Variants in SLC24A2 observed in about 807,000 individuals in gnomAD.
SLC24A2 encodes the protein sodium/potassium/calcium exchanger 2.
A neutral mutation model predicts 62.0 loss-of-function variants in SLC24A2; 36 were observed. The observed-to-expected ratio is 0.58, with a 90% confidence interval of 0.44 to 0.77. SLC24A2 has a LOEUF of 0.77. SLC24A2 is among the 30% of genes least tolerant of loss of function. SLC24A2 has a pLI of 0.00. For synonymous variants in SLC24A2, 358 were observed against 294.0 expected, an observed-to-expected ratio of 1.22 and a Z score of -2.23; for missense variants, 846 against 817.9, an observed-to-expected ratio of 1.03 and a Z score of -0.42.
intron 2 of SLC24A2, among the ~76,000 whole-genome samples, chr9:19,714,836 T>C (rs558823471): frequency 2.6e-4 from 40 of 152,262 alleles, no homozygotes; most frequent in Non-Finnish European, 4.3e-4. Context: ...CTATAGTCTT[T>C]ATGTCGTACA....
the SLC24A2 span, among the ~76,000 whole-genome samples, chr9:20,091,669 C>T: frequency 0.23 from 34,361 of 152,054 alleles, 4,982 homozygotes; most frequent in East Asian, 0.66. Context: ...TTGAGGGAGT[C>T]TGTTACCACC....
At chr9:19,676,941 T>C (rs1235692654) in intron 2 of SLC24A2, among the ~76,000 whole-genome samples, 1 of 152,188 alleles carries the variant, frequency 6.6e-6, no homozygotes, top group Non-Finnish European at 1.5e-5. Context: ...CAGACACTAG[T>C]GAGGTTATGG....
intron 2 of SLC24A2, among the ~76,000 whole-genome samples, chr9:19,752,278 G>A (rs1822007259): frequency 6.6e-6 from 1 of 152,038 alleles, no homozygotes; most frequent in Non-Finnish European, 1.5e-5. Flanking sequence ...CTAGGAAAGG[G>A]TGAGTTACTG....
chr9:20,124,094 T>C, the SLC24A2 span, among the ~76,000 whole-genome samples: 16,912 of 152,204 alleles, frequency 0.11, 1,000 homozygotes, highest in Middle Eastern at 0.17. Flanking sequence ...TTTCTATTCA[T>C]CCTTGATACA....
chr9:19,879,414 C>A, the SLC24A2 span, among the ~76,000 whole-genome samples: 1 of 152,126 alleles, frequency 6.6e-6, no homozygotes, highest in African/African-American at 2.4e-5. Context: ...TTAGGAAAAC[C>A]TATATAGAGC....
the SLC24A2 span, among the ~76,000 whole-genome samples, chr9:19,909,428 A>G: frequency 2.6e-5 from 4 of 152,096 alleles, no homozygotes; most frequent in Non-Finnish European, 5.9e-5. Flanking sequence ...ACATGTATAC[A>G]TATGTAACAA....
intron 2 of SLC24A2, among the ~76,000 whole-genome samples, chr9:19,742,645 GTCT>G (rs1821714350): frequency 6.6e-6 from 1 of 152,110 alleles, no homozygotes; most frequent in African/African-American, 2.4e-5. Context: ...TTAGACCCTG[GTCT>G]TCTGATTCAG....
chr9:19,571,881 C>T (rs73648719), intron 7 of SLC24A2, among the ~76,000 whole-genome samples: 6,204 of 151,954 alleles, frequency 0.041, 411 homozygotes, highest in African/African-American at 0.14. Context: ...TACAGTTGGA[C>T]GGTCCTGAGA....
chr9:19,519,430 A>G (rs1294611229), intron 10 of SLC24A2, among the ~76,000 whole-genome samples: 1 of 152,094 alleles, frequency 6.6e-6, no homozygotes, highest in Admixed American at 6.6e-5. Flanking sequence ...TCTTCATAAT[A>G]TACTATAGAG....
chr9:20,204,392 A>G, the SLC24A2 span, among the ~76,000 whole-genome samples: 1 of 152,236 alleles, frequency 6.6e-6, no homozygotes, highest in Non-Finnish European at 1.5e-5. Context: ...ATCTACAAGC[A>G]TGGCTATTTT....
chr9:20,000,246 C>A, the SLC24A2 span, among the ~76,000 whole-genome samples: 4 of 152,144 alleles, frequency 2.6e-5, no homozygotes, highest in Non-Finnish European at 5.9e-5. Flanking sequence ...AGAAACTGTG[C>A]TAAGCATATT....
chr9:19,549,790 T>C (rs1252492528), intron 8 of SLC24A2, among the ~76,000 whole-genome samples: 2 of 152,214 alleles, frequency 1.3e-5, no homozygotes, highest in Non-Finnish European at 2.9e-5. Flanking sequence ...CAATGTGCCC[T>C]ATTCAAATTC....
the SLC24A2 span, among the ~76,000 whole-genome samples, chr9:20,027,978 T>A: frequency 2.6e-5 from 4 of 152,304 alleles, no homozygotes; most frequent in South Asian, 8.3e-4. Flanking sequence ...CAGTTGGTTG[T>A]CGTTAAATAA....
At chr9:20,204,661 C>T in the SLC24A2 span, among the ~76,000 whole-genome samples, 4 of 151,808 alleles carry the variant, frequency 2.6e-5, no homozygotes, top group East Asian at 1.9e-4. Context: ...TTCTGCATCA[C>T]GACATACTTA....
chr9:19,738,465 T>C (rs1821574357), intron 2 of SLC24A2, among the ~76,000 whole-genome samples: 1 of 152,042 alleles, frequency 6.6e-6, no homozygotes, highest in Non-Finnish European at 1.5e-5. Flanking sequence ...TTGTGATATG[T>C]TGGTCTAAAA....
intron 7 of SLC24A2, among the ~76,000 whole-genome samples, chr9:19,562,819 C>A (rs7025014): frequency 0.75 from 113,890 of 152,152 alleles, 43,898 homozygotes; most frequent in East Asian, 1. Context: ...AAAATCCAAT[C>A]TAGGCTGGAT....
chr9:20,018,523 T>C, the SLC24A2 span, among the ~76,000 whole-genome samples: 1 of 152,182 alleles, frequency 6.6e-6, no homozygotes, highest in East Asian at 1.9e-4. Flanking sequence ...CACCTCTTCA[T>C]TTTCCTTTTC....
chr9:20,209,958 A>G, the SLC24A2 span, among the ~76,000 whole-genome samples: 3 of 152,234 alleles, frequency 2.0e-5, no homozygotes, highest in Non-Finnish European at 4.4e-5. Context: ...GTATCTCTCA[A>G]TACCTCAAGT....
At chr9:20,282,491 G>A in the SLC24A2 span, among the ~76,000 whole-genome samples, 1 of 152,040 alleles carries the variant, frequency 6.6e-6, no homozygotes, top group African/African-American at 2.4e-5. Flanking sequence ...TCTAGTTGAG[G>A]AATCTGAAAT....
Sources: allele counts gnomAD v4.1 joint callset (sites outside exome capture counted in the v4.1 genomes callset), GRCh38; gene constraint gnomAD v4.1.1; transcripts MANE v1.5; gene names NCBI Gene and HGNC (gene_info 2026-07-23, HGNC 2026-07-21).